CDH11: variants seen among roughly 807,000 people sequenced by gnomAD.
The protein encoded by CDH11 is cadherin 11.
In CDH11, 11 loss-of-function variants were observed where a neutral mutation model predicts 67.8. That is an observed-to-expected ratio of 0.16 (90% confidence interval 0.10 to 0.27). The LOEUF (loss-of-function observed/expected upper bound fraction) is 0.27. CDH11 is among the 10% of genes least tolerant of loss of function. The pLI is 1.00. For missense variants in CDH11, 847 were observed against 1,031.2 expected (o/e 0.82, Z 2.45); for synonymous variants, 419 against 400.0 (o/e 1.05, Z -0.57).
At chr16:65,008,221 A>G (rs2073103079) in intron 2 of CDH11, among the ~76,000 whole-genome samples, 1 of 152,246 alleles carries the variant, frequency 6.6e-6, no homozygotes. Flanking sequence ...CTAGCTTAAT[A>G]CTAATGAATT....
At chr16:65,028,094 A>G (rs558272704) in intron 2 of CDH11, among the ~76,000 whole-genome samples, 70 of 152,348 alleles carry the variant, frequency 4.6e-4, no homozygotes, top group African/African-American at 1.6e-3. Context: ...GAAAGGAAGA[A>G]ACGGAAAGAA....
chr16:65,064,671 A>G (rs1225961243), intron 1 of CDH11, among the ~76,000 whole-genome samples: 1 of 152,202 alleles, frequency 6.6e-6, no homozygotes. Context: ...CTCAGAGAGG[A>G]TTCAATTATG....
chr16:65,032,192 A>G (rs2142625186), intron 2 of CDH11, among the ~76,000 whole-genome samples: 1 of 152,182 alleles, frequency 6.6e-6, no homozygotes, highest in South Asian at 2.1e-4. Flanking sequence ...CTAAACTGGC[A>G]AACAAAAGAA....
At chr16:64,994,906 T>C (rs1344706014) in intron 4 of CDH11, among the ~76,000 whole-genome samples, 2 of 152,138 alleles carry the variant, frequency 1.3e-5, no homozygotes, top group Non-Finnish European at 2.9e-5. Flanking sequence ...GGCATTTCTA[T>C]ACATCAATAA....
chr16:65,081,311 G>A (rs945709035), intron 1 of CDH11, among the ~76,000 whole-genome samples: 19 of 152,194 alleles, frequency 1.2e-4, no homozygotes, highest in African/African-American at 4.1e-4. Flanking sequence ...GCTCACGCCT[G>A]TAATCCCAGC....
At position 65,011,928 on chromosome 16, in the gene CDH11, G is replaced by A. The variant is rs555779047; in HGVS notation, c.-172-6887C>T. On this transcript the variant is annotated intron_variant, in intron 2 of 12. Coordinates refer to ENST00000268603, the MANE Select transcript of CDH11 (RefSeq NM_001797.4). ...TATGTAAACCTCCCTTTGTCTCCAA[G>A]CAGTAAATATGCATCAAGCTTTTTT... Among the ~76,000 whole-genome samples, 4 of 152,264 alleles carry A rather than the reference G, an allele frequency of 2.6e-5. No homozygotes were observed. The South Asian group carries it at 8.3e-4, about 32-fold the overall frequency.
chr16:65,025,753 T>C (rs1291740275), intron 2 of CDH11, among the ~76,000 whole-genome samples: 1 of 152,216 alleles, frequency 6.6e-6, no homozygotes, highest in African/African-American at 2.4e-5. Context: ...TTCTCTAATA[T>C]GGATATAAAA....
At chr16:64,984,204 C>T (rs1370330771) in intron 7 of CDH11, among the ~76,000 whole-genome samples, 1 of 152,186 alleles carries the variant, frequency 6.6e-6, no homozygotes, top group African/African-American at 2.4e-5. Flanking sequence ...CCTTTGGCAG[C>T]CCTTCATTTC....
At chr16:65,037,947 G>A (rs1257535417) in intron 2 of CDH11, among the ~76,000 whole-genome samples, 1 of 152,044 alleles carries the variant, frequency 6.6e-6, no homozygotes, top group East Asian at 1.9e-4. Flanking sequence ...GAAAGCAAAT[G>A]CACTCCAAAA....
In CDH11 at chr16:64,992,944, T is replaced by C; in HGVS notation, c.614A>G (p.Gln205Arg). The change falls in exon 5 of 13, where the codon CAA becomes CGA. Residue 205 changes from glutamine to arginine, a missense_variant. Gln to Arg is a conservative substitution (Grantham distance 43). Coordinates refer to ENST00000268603, the MANE Select transcript of CDH11 (RefSeq NM_001797.4). Reference protein sequence around the residue: ...AKLVYSILEGQPYFSVEAQTG... With the variant: ...AKLVYSILEGRPYFSVEAQTG... ...CTGTGCTTCCACCGAAAAATAGGGT[T>C]GTCCTTCGAGGATACTGTACACTAA... 1 of 1,612,854 alleles carries C rather than the reference T, an allele frequency of 6.2e-7. No homozygotes were observed. The highest frequency in any genetic ancestry group is 8.5e-7 in the Non-Finnish European group (1 of 1,179,126).
In CDH11 at chr16:65,049,056, G is replaced by C. The variant is rs1040962541; in HGVS notation, c.-173+4748C>G. On this transcript the variant is annotated intron_variant, in intron 2 of 12. Coordinates refer to ENST00000268603, the MANE Select transcript of CDH11 (RefSeq NM_001797.4). The stretch of plus-strand genomic sequence containing the variant: ...AATAGACACTGGGGACTCCAAAAAG[G>C]GAGGAGGAGGGTTGAAAAACTACTT... Among the ~76,000 whole-genome samples the C allele has an allele frequency of 2.6e-5, 4 of 152,084 alleles. No individual in the cohort carries two copies. In the East Asian group the frequency reaches 5.8e-4, roughly 22 times the overall value.
intron 1 of CDH11, among the ~76,000 whole-genome samples, chr16:65,110,445 G>GTTT (rs2075136694): frequency 6.6e-6 from 1 of 151,916 alleles, no homozygotes; most frequent in African/African-American, 2.4e-5. Flanking sequence ...ACCTAGGAAG[G>GTTT]CTGGGCAGTT....
intron 11 of CDH11, among the ~76,000 whole-genome samples, chr16:64,967,542 A>G (rs1435163976): frequency 6.6e-6 from 1 of 152,202 alleles, no homozygotes; most frequent in Non-Finnish European, 1.5e-5. Context: ...GTGGAAAACA[A>G]TGTACGTACT....
At chr16:65,012,843 G>C (rs1039380830) in intron 2 of CDH11, among the ~76,000 whole-genome samples, 2 of 152,320 alleles carry the variant, frequency 1.3e-5, no homozygotes, top group East Asian at 1.9e-4. Context: ...GTAGCTGTAT[G>C]AATCACTTGT....
intron 1 of CDH11, among the ~76,000 whole-genome samples, chr16:65,116,380 A>C (rs1212211218): frequency 6.6e-6 from 1 of 152,142 alleles, no homozygotes; most frequent in East Asian, 1.9e-4. Flanking sequence ...AGCCTCCCCT[A>C]CCACACTGGT....
chr16:64,996,408 T>C lies in CDH11; in HGVS notation c.523+2154A>G, dbSNP rs551604275. Among the ~76,000 whole-genome samples the C allele has an allele frequency of 2.6e-4, 40 of 151,142 alleles. No individual in the cohort carries two copies. In the South Asian group the frequency reaches 7.1e-3, roughly 27 times the overall value. Reference sequence around the variant, plus strand: ...AGGAGGCTGAGGCAGGAGAATCGTTTGAACCCAGGAGGCAGAGATTGCAGT... The same window carrying C: ...AGGAGGCTGAGGCAGGAGAATCGTTCGAACCCAGGAGGCAGAGATTGCAGT... On this transcript the variant is annotated intron_variant, in intron 4 of 12. Coordinates refer to ENST00000268603, the MANE Select transcript of CDH11 (RefSeq NM_001797.4).
intron 1 of CDH11, among the ~76,000 whole-genome samples, chr16:65,086,790 C>A (rs1038355765): frequency 6.6e-6 from 1 of 152,096 alleles, no homozygotes; most frequent in African/African-American, 2.4e-5. Context: ...ATAAAACTCT[C>A]ATAAAACAAA....
At chr16:65,039,226 T>G (rs982845049) in intron 2 of CDH11, among the ~76,000 whole-genome samples, 1 of 152,200 alleles carries the variant, frequency 6.6e-6, no homozygotes, top group African/African-American at 2.4e-5. Flanking sequence ...TCTAATGAAT[T>G]AATTTTCTCA....
chr16:65,073,674 A>T (rs901422340), intron 1 of CDH11, among the ~76,000 whole-genome samples: 21 of 152,026 alleles, frequency 1.4e-4, no homozygotes, highest in African/African-American at 5.1e-4. Flanking sequence ...ACTCATCCCA[A>T]ACTAGACCTA....
Sources: gnomAD v4.1 joint callset for allele counts (sites outside exome capture counted in the v4.1 genomes callset) on GRCh38, gnomAD v4.1.1 for gene constraint, MANE v1.5 for transcripts, NCBI Gene and HGNC (gene_info 2026-07-23, HGNC 2026-07-21) for gene names.